Variants in CASKIN1 observed in about 807,000 individuals in gnomAD.
CASKIN1 encodes the protein CASK interacting protein 1, also known as caskin-1.
A neutral mutation model predicts 117.5 loss-of-function variants in CASKIN1; 42 were observed. The ratio of observed to expected loss-of-function variants is 0.36; its 90% CI spans 0.28 to 0.46. CASKIN1 has a LOEUF of 0.46. Among genes scored for constraint, CASKIN1 ranks in the 20% least tolerant of loss-of-function variants. CASKIN1 has a pLI of 1.00. For missense variants in CASKIN1, 2,083 were observed against 2,077.3 expected (o/e 1.00, Z -0.05); for synonymous variants, 1,148 against 961.7 (o/e 1.19, Z -3.59).
chr16:2,196,325 C>T lies in CASKIN1; in HGVS notation c.94+14G>A, dbSNP rs1042840888. The T allele has an allele frequency of 2.5e-6, 3 of 1,210,520 alleles. No individual in the cohort carries two copies. The highest frequency in any genetic ancestry group is 3.2e-4 in the Middle Eastern group (1 of 3,172). 75.0% of individuals were successfully genotyped at this position (1,210,520 alleles called of 1,614,324 possible). On this transcript the variant is annotated intron_variant, in intron 1 of 19. Transcript: ENST00000343516. This position sits in a 1 kb window ranked among gnomAD's most constrained non-coding sequence, Gnocchi z 5.7. ...CCGGGGCTCCCACCCGCGCCCCGCG[C>T]CCCCGGCACTCACTGGCCTTCCCGG... is the stretch of plus-strand genomic sequence containing the variant.
At chr16:2,185,767 C>T (rs574532622) in intron 10 of CASKIN1, among the ~76,000 whole-genome samples, 18 of 152,352 alleles carry the variant, frequency 1.2e-4, no homozygotes, top group African/African-American at 4.3e-4. Flanking sequence ...TGGTCGGGGG[C>T]TGGCCCTGCC....
chr16:2,192,418 T>C (rs1289750802), intron 1 of CASKIN1, among the ~76,000 whole-genome samples: 3 of 151,938 alleles, frequency 2.0e-5, no homozygotes, highest in East Asian at 3.9e-4. Context: ...GTGGCTGTGC[T>C]AGGAGGGGAG....
At chr16:2,192,886 G>T (rs906052111) in intron 1 of CASKIN1, among the ~76,000 whole-genome samples, 2 of 152,222 alleles carry the variant, frequency 1.3e-5, no homozygotes, top group African/African-American at 4.8e-5. Flanking sequence ...GCTCAGTTGC[G>T]GACTGGATCG....
At chr16:2,189,942 C>T (rs926671571) in intron 3 of CASKIN1, 131 bp downstream of exon 3, 13 of 868,162 alleles carry the variant, frequency 1.5e-5, no homozygotes, top group Non-Finnish European at 2.1e-5. Flanking sequence ...GACCCTGATC[C>T]CAGGAGGACC....
chr16:2,189,083 G>A lies in CASKIN1; in HGVS notation c.561C>T (p.Pro187=). 1 of 1,613,636 alleles carries A rather than the reference G, an allele frequency of 6.2e-7. No homozygotes were observed. Among genetic ancestry groups the A allele is most frequent in the East Asian group, 2.2e-5 (1 of 44,868 alleles). ...LEPRPGDATD[P]NGTSPLHLAA... is the part of the protein sequence containing the mutation. ...CGAGGTGCAAAGGGCTGGTGCCGTTGGGGTCGGTGGCGTCTCCCGGCCGGG... is the reference window on the plus strand; with the variant it reads ...CGAGGTGCAAAGGGCTGGTGCCGTTAGGGTCGGTGGCGTCTCCCGGCCGGG... Residue 187 remains proline (P), a synonymous_variant, in exon 6 of 20, where the codon CCC becomes CCT. Transcript: ENST00000343516.
rs745419044 is a variant in CASKIN1 at position 2,189,489 on chromosome 16, G to A, written c.320C>T (p.Ala107Val). 6.2e-7 allele frequency: 1 copy of A among 1,612,108 alleles called. No homozygotes were observed. The highest frequency in any genetic ancestry group is 2.2e-5 in the East Asian group (1 of 44,872). The change falls in exon 4 of 20, where the codon GCC (alanine) becomes GTC (valine). Residue 107 changes from alanine (A) to valine (V), a missense_variant. Ala to Val is a moderately conservative substitution (Grantham distance 64, BLOSUM62 0). Transcript: ENST00000343516. Reference protein sequence around the residue: ...PMKLVLKAGSAVNIPSDEGHI... With the variant: ...PMKLVLKAGSVVNIPSDEGHI... ...GCCCTCATCAGACGGGATGTTCACG[G>A]CCGAGCCCGCCTTCAGCACCAGCTT...
chr16:2,178,291 C>T lies in CASKIN1; in HGVS notation c.*259G>A. On this transcript the variant is annotated 3_prime_UTR_variant, in exon 20 of 20. Coordinates refer to ENST00000343516, the MANE Select transcript of CASKIN1 (RefSeq NM_020764.4). ...TCCCGGGGCGCCCTCCCCTCCCGCGCGGGCAGGAGGCCCAGCAGGTATTGC... is the reference window on the plus strand; with the variant it reads ...TCCCGGGGCGCCCTCCCCTCCCGCGTGGGCAGGAGGCCCAGCAGGTATTGC... 2 of 414,158 alleles carry T rather than the reference C, an allele frequency of 4.8e-6. No homozygotes were observed. The highest frequency in any genetic ancestry group is 4.9e-5 in the East Asian group (1 of 20,598). The allele number at this position is 414,158 out of a possible 1,614,324, so 25.7% of individuals were successfully genotyped here. A position where few individuals can be genotyped will look rare whatever the true frequency, so the allele number is the denominator to read the frequency against.
Position 2,181,099 on chromosome 16 carries a change from G to T in CASKIN1, c.2269C>A (p.Pro757Thr). 3 of 1,479,482 alleles carry T rather than the reference G, an allele frequency of 2.0e-6. No individual in the cohort carries two copies. Among genetic ancestry groups the T allele is most frequent in the Non-Finnish European group, 2.7e-6 (3 of 1,122,694 alleles). 91.6% of individuals were successfully genotyped at this position (1,479,482 alleles called of 1,614,324 possible). A position where few individuals can be genotyped will look rare whatever the true frequency, so the allele number is the denominator to read the frequency against. ...HGHSIKRASV[P>T]PVPGKPRQVL... ...TGCCGTGGCTTGCCAGGCACGGGGGGCACGCTGGCCCTCTTGATGCTGTGG... is the reference window on the plus strand; with the variant it reads ...TGCCGTGGCTTGCCAGGCACGGGGGTCACGCTGGCCCTCTTGATGCTGTGG... The change falls in exon 18 of 20, where the codon CCC becomes ACC. Residue 757 changes from proline (P) to threonine (T), a missense_variant. Physicochemically the swap from Pro to Thr is conservative, Grantham distance 38. This residue lies in a region of CASKIN1 where 1,818 missense variants were observed against 1,688.9 expected (regional missense o/e 1.08). Coordinates refer to ENST00000343516, the MANE Select transcript of CASKIN1 (RefSeq NM_020764.4).
intron 14 of CASKIN1, among the ~76,000 whole-genome samples, 157 bp downstream of exon 14, chr16:2,184,620 C>T (rs555267287): frequency 6.6e-6 from 1 of 152,330 alleles, no homozygotes; most frequent in South Asian, 2.1e-4. Context: ...GACACACACA[C>T]AACACACAGA....
Position 2,185,295 on chromosome 16 carries a change from G to T in CASKIN1, c.1150+12C>A. On this transcript the variant is annotated intron_variant, in intron 11 of 19. Coordinates refer to ENST00000343516, the MANE Select transcript of CASKIN1 (RefSeq NM_020764.4). ...AGTCCTGCCACCTCTGCCCTTCAGG[G>T]ACCCAGCCTACCTGCAAAAGGCTTC... The T allele has an allele frequency of 1.3e-6, 2 of 1,594,634 alleles. No homozygotes were observed. Among genetic ancestry groups the T allele is most frequent in the Non-Finnish European group, 1.7e-6 (2 of 1,166,366 alleles).
Position 2,180,550 on chromosome 16 carries a change from G to A in CASKIN1, c.2818C>T (p.Pro940Ser). ...VNRSQSFAVR[P>S]RKKGPPPPPP... Reference sequence around the variant, plus strand: ...GGCGGCGGGGGCCCCTTCTTTCGGGGCCGCACGGCAAAGGACTGGCTGCGG... The same window carrying A: ...GGCGGCGGGGGCCCCTTCTTTCGGGACCGCACGGCAAAGGACTGGCTGCGG... Residue 940 changes from proline to serine, a missense_variant, in exon 18 of 20, where the codon CCC becomes TCC. This residue lies in a region of CASKIN1 where 1,818 missense variants were observed against 1,688.9 expected (regional missense o/e 1.08). Transcript: ENST00000343516. The A allele has an allele frequency of 1.3e-6, 2 of 1,547,774 alleles. No individual in the cohort carries two copies. The highest frequency in any genetic ancestry group is 1.2e-5 in the South Asian group (1 of 84,990).
chr16:2,184,649 G>A (rs906044044), intron 14 of CASKIN1, 128 bp downstream of exon 14: 101 of 665,894 alleles, frequency 1.5e-4, no homozygotes, highest in Non-Finnish European at 2.0e-4. Context: ...CAGAGGAGAG[G>A]GTCTGGCCTG....
Position 2,178,027 on chromosome 16 carries a change from ATTTC to A in CASKIN1, c.*519_*522del, listed in dbSNP as rs2093148299. The A allele has an allele frequency of 4.6e-6, 2 of 436,726 alleles. No homozygotes were observed. Among genetic ancestry groups the A allele is most frequent in the African/African-American group, 2.1e-5 (1 of 47,792 alleles). The allele number at this position is 436,726 out of a possible 1,614,324, so 27.1% of individuals were successfully genotyped here. On this transcript the variant is annotated 3_prime_UTR_variant, in exon 20 of 20. Coordinates refer to ENST00000343516, the MANE Select transcript of CASKIN1 (RefSeq NM_020764.4). ...AATGGTTTTCTATAGAATCAATAAT[ATTTC>A]TTTCTTTAAATATATATTTGTTAAA... is the stretch of plus-strand genomic sequence containing the variant.
rs1289060564 is a variant in CASKIN1 at position 2,182,816 on chromosome 16, A to G, written c.1629+830T>C. On this transcript the variant is annotated intron_variant, in intron 16 of 19. Coordinates refer to ENST00000343516, the MANE Select transcript of CASKIN1 (RefSeq NM_020764.4). The surrounding 1 kb of genome is among the most constrained non-coding windows in gnomAD (Gnocchi z 4.1). ...TGTTGTTTTGCTTTGTTTGAGACGG[A>G]GCCTCGCTCTGTCGCCCAGGCTGGA... Among the ~76,000 whole-genome samples the G allele has an allele frequency of 2.2e-4, 34 of 152,206 alleles. No homozygotes were observed. The highest frequency in any genetic ancestry group is 2.2e-3 in the Admixed American group (34 of 15,284).
Position 2,182,809 on chromosome 16 carries a change from G to A in CASKIN1, c.1629+837C>T, listed in dbSNP as rs1323935040. ...ACCTCCCTGTTGTTTTGCTTTGTTT[G>A]AGACGGAGCCTCGCTCTGTCGCCCA... On this transcript the variant is annotated intron_variant, in intron 16 of 19. Coordinates refer to ENST00000343516, the MANE Select transcript of CASKIN1 (RefSeq NM_020764.4). The surrounding 1 kb of genome is among the most constrained non-coding windows in gnomAD (Gnocchi z 4.1). 6.6e-6 allele frequency among the ~76,000 whole-genome samples: 1 copy of A among 152,250 alleles called. No individual in the cohort carries two copies. The highest frequency in any genetic ancestry group is 1.5e-5 in the Non-Finnish European group (1 of 68,038).
chr16:2,192,062 T>C (rs761419146), intron 1 of CASKIN1, among the ~76,000 whole-genome samples: 6 of 151,724 alleles, frequency 4.0e-5, no homozygotes, highest in Admixed American at 2.0e-4. Context: ...GAGGCTGAGG[T>C]GGGAGGATCA....
chr16:2,180,642 G>A lies in CASKIN1; in HGVS notation c.2726C>T (p.Thr909Met), dbSNP rs1027747328. The A allele has an allele frequency of 4.5e-6, 7 of 1,542,282 alleles. No homozygotes were observed. The highest frequency in any genetic ancestry group is 3.9e-5 in the Admixed American group (2 of 51,148). ...LVPAAAGPYA[T>M]VQRRVGRSHS... The stretch of plus-strand genomic sequence containing the variant: ...GCTGCGGCCCACGCGCCGCTGGACC[G>A]TGGCATAGGGGCCGGCAGCCGCAGG... The change falls in exon 18 of 20, where the codon ACG becomes ATG. Residue 909 changes from threonine to methionine, a missense_variant. Transcript: ENST00000343516.
At chr16:2,185,440 G>C in intron 10 of CASKIN1, 32 bp from the exon 11 acceptor site, 2 of 1,544,066 alleles carry the variant, frequency 1.3e-6, no homozygotes, top group Non-Finnish European at 1.8e-6. Context: ...CTAAGTCCTG[G>C]GCCAGCGATG....
intron 6 of CASKIN1, among the ~76,000 whole-genome samples, chr16:2,188,093 C>T (rs1233086681): frequency 6.8e-6 from 1 of 147,672 alleles, no homozygotes; most frequent in African/African-American, 2.5e-5. Flanking sequence ...CCACGTCTTG[C>T]TATGTTGCCC....
Sources: allele counts gnomAD v4.1 joint callset (sites outside exome capture counted in the v4.1 genomes callset), GRCh38; gene constraint gnomAD v4.1.1; regional missense constraint gnomAD v4.1.1; non-coding constraint Gnocchi (gnomAD v3.1); transcripts MANE v1.5; gene names NCBI Gene and HGNC (gene_info 2026-07-23, HGNC 2026-07-21).